The following ZNF592 variants were observed in gnomAD, a reference collection of about 807,000 sequenced individuals.
The protein encoded by ZNF592 is zinc finger protein 592.
Under a neutral mutation model 80.3 loss-of-function variants are expected in ZNF592, and 11 were observed. The observed-to-expected ratio is 0.14, with a 90% CI of 0.09 to 0.23. ZNF592 has a LOEUF of 0.23. Ranked by LOEUF, ZNF592 falls within the 10% of genes least tolerant of loss-of-function variation. The probability of loss-of-function intolerance (pLI) is 1.00; values close to 1 mark genes in which losing one functional copy is unlikely to be tolerated. For synonymous variants in ZNF592, 646 were observed against 640.3 expected, an observed-to-expected ratio of 1.01 and a Z score of -0.13; for missense variants, 1,420 against 1,633.9, an observed-to-expected ratio of 0.87 and a Z score of 2.26.
At chr15:84,794,588 C>T (rs866741769) in intron 5 of ZNF592, among the ~76,000 whole-genome samples, 2 of 152,082 alleles carry the variant, frequency 1.3e-5, no homozygotes, top group South Asian at 4.1e-4. Context: ...GCACTTCTCC[C>T]ACCTCAGCCT....
intron 1 of ZNF592, among the ~76,000 whole-genome samples, chr15:84,753,692 T>G (rs1899080490): frequency 6.6e-6 from 1 of 152,164 alleles, no homozygotes; most frequent in Non-Finnish European, 1.5e-5. Flanking sequence ...AGCCTGGTCT[T>G]GAACTCCTGA....
chr15:84,768,234 T>A, intron 2 of ZNF592, among the ~76,000 whole-genome samples: 1 of 131,354 alleles, frequency 7.6e-6, no homozygotes, highest in African/African-American at 2.7e-5. Context: ...TTCTTTCTTT[T>A]TTTTTTTTTT....
chr15:84,800,751 G>A (rs1033551307), intron 10 of ZNF592, among the ~76,000 whole-genome samples: 13 of 152,194 alleles, frequency 8.5e-5, no homozygotes, highest in Non-Finnish European at 1.5e-4. Context: ...CATACCCTTT[G>A]ATCCAGCAAT....
intron 2 of ZNF592, among the ~76,000 whole-genome samples, chr15:84,767,503 C>G (rs1179407688): frequency 1.3e-5 from 2 of 152,134 alleles, no homozygotes; most frequent in African/African-American, 4.8e-5. Context: ...TCCTGTCCCC[C>G]TTTTTCTCAA....
At chr15:84,760,810 T>G (rs528965589) in intron 1 of ZNF592, among the ~76,000 whole-genome samples, 1 of 152,288 alleles carries the variant, frequency 6.6e-6, no homozygotes, top group African/African-American at 2.4e-5. Context: ...CATCTCTTAC[T>G]GGTGCTGTTC....
intron 2 of ZNF592, among the ~76,000 whole-genome samples, chr15:84,766,706 A>AGAGTGTGT (rs1555429337): frequency 7.1e-6 from 1 of 140,140 alleles, no homozygotes; most frequent in African/African-American, 2.7e-5. Flanking sequence ...GATGAGAAAG[A>AGAGTGTGT]GTGTGTGTGT....
At chr15:84,755,439 TTTTTG>T (rs1899142931) in intron 1 of ZNF592, among the ~76,000 whole-genome samples, 1 of 152,002 alleles carries the variant, frequency 6.6e-6, no homozygotes, top group Non-Finnish European at 1.5e-5. Flanking sequence ...GCTTGAAACT[TTTTTG>T]AGTAGTCCAG....
Position 84,777,694 on chromosome 15 carries a change from C to CCTTTTTTTTTTTTTTTTTTTTTTTTTTT in ZNF592, c.-149-489_-149-488insCTTTTTTTTTTTTTTTTTTTTTTTTTTT, listed in dbSNP as rs1432630650. On this transcript the variant is annotated intron_variant, in intron 2 of 10. Coordinates refer to ENST00000560079, the MANE Select transcript of ZNF592 (RefSeq NM_014630.3). ...GAAAATAATTTCGTCTGTTGAGATACTTTTTTTTTTTTTTTTTTTTTTTGA... is the reference window on the plus strand; with the variant it reads ...GAAAATAATTTCGTCTGTTGAGATACCTTTTTTTTTTTTTTTTTTTTTTTTTTTTTTTTTTTTTTTTTTTTTTTTTTGA... Among the ~76,000 whole-genome samples, 2 of 98,414 alleles carry CCTTTTTTTTTTTTTTTTTTTTTTTTTTT rather than the reference C, an allele frequency of 2.0e-5. 1 individual carries two copies. Among genetic ancestry groups the CCTTTTTTTTTTTTTTTTTTTTTTTTTTT allele is most frequent in the African/African-American group, 7.6e-5 (2 of 26,418 alleles). 64.6% of individuals were successfully genotyped at this position (98,414 alleles called of 152,430 possible).
intron 1 of ZNF592, among the ~76,000 whole-genome samples, chr15:84,760,176 A>G (rs1462658290): frequency 6.6e-6 from 1 of 152,050 alleles, no homozygotes; most frequent in Non-Finnish European, 1.5e-5. Flanking sequence ...TGGTCTGAGC[A>G]CATCATTCTT....
Position 84,803,114 on chromosome 15 carries a change from G to T in ZNF592, c.*721G>T, listed in dbSNP as rs1462099389. On this transcript the variant is annotated 3_prime_UTR_variant, in exon 11 of 11. Coordinates refer to ENST00000560079, the MANE Select transcript of ZNF592 (RefSeq NM_014630.3). ...CAGACCCCTTGAGAAGGCGCTGTGGGTGGGTCTTTGTTCTGCTGTTCTGCC... is the reference window on the plus strand; with the variant it reads ...CAGACCCCTTGAGAAGGCGCTGTGGTTGGGTCTTTGTTCTGCTGTTCTGCC... 1.3e-5 allele frequency: 2 copies of T among 152,548 alleles called. No individual in the cohort carries two copies. Among genetic ancestry groups the T allele is most frequent in the Non-Finnish European group, 2.9e-5 (2 of 68,176 alleles). The allele number at this position is 152,548 out of a possible 1,614,324, so 9.4% of individuals were successfully genotyped here.
chr15:84,783,359 T>C lies in ZNF592; in HGVS notation c.684T>C (p.Pro228=). ...AAAGTGGGCAGAACACAGTGGAACC[T>C]CACAAGGATCCGGATGCCACTCGAT... ...HEQSGQNTVE[P]HKDPDATRFF... The change falls in exon 4 of 11, where the codon CCT becomes CCC. Residue 228 remains proline (P), a synonymous_variant. Coordinates refer to ENST00000560079, the MANE Select transcript of ZNF592 (RefSeq NM_014630.3). The surrounding 1 kb of genome is among the most constrained non-coding windows in gnomAD (Gnocchi z 5.0). 6.2e-7 allele frequency: 1 copy of C among 1,614,168 alleles called. No individual in the cohort carries two copies. The highest frequency in any genetic ancestry group is 8.5e-7 in the Non-Finnish European group (1 of 1,180,034).
intron 4 of ZNF592, among the ~76,000 whole-genome samples, chr15:84,785,733 T>C (rs1216444455): frequency 6.6e-6 from 1 of 151,814 alleles, no homozygotes; most frequent in East Asian, 1.9e-4. Context: ...GGAAGGAGAG[T>C]GGACAGACAT....
intron 2 of ZNF592, among the ~76,000 whole-genome samples, chr15:84,772,737 C>CT (rs377535731): frequency 1.2e-4 from 18 of 150,658 alleles, no homozygotes; most frequent in Non-Finnish European, 1.6e-4. Flanking sequence ...TTCAAGAAAA[C>CT]TTTTTTTTTT....
At chr15:84,796,467 GT>G (rs1962924783) in intron 5 of ZNF592, among the ~76,000 whole-genome samples, 2 of 151,464 alleles carry the variant, frequency 1.3e-5, no homozygotes, top group African/African-American at 4.9e-5. Context: ...GGGAAAAGAT[GT>G]TTTGTCATGT....
chr15:84,792,712 C>T (rs746205349), intron 5 of ZNF592, among the ~76,000 whole-genome samples: 15 of 152,264 alleles, frequency 9.9e-5, no homozygotes, highest in South Asian at 2.1e-4. Flanking sequence ...CTCAACTCCC[C>T]GAAGTGTTGG....
intron 1 of ZNF592, among the ~76,000 whole-genome samples, chr15:84,749,399 GT>G (rs1213929327): frequency 6.6e-6 from 1 of 152,182 alleles, no homozygotes; most frequent in Non-Finnish European, 1.5e-5. Context: ...AGGGGGAGGG[GT>G]CCGTATGACC....
chr15:84,778,160 TTTG>T lies in ZNF592; in HGVS notation c.-149-20_-149-18del, dbSNP rs1026972717. 6.5e-6 allele frequency: 1 copy of T among 153,668 alleles called. No individual in the cohort carries two copies. The highest frequency in any genetic ancestry group is 1.5e-5 in the Non-Finnish European group (1 of 68,960). The allele number at this position is 153,668 out of a possible 1,614,324, so 9.5% of individuals were successfully genotyped here. ...TTTACTTATTGCTTTGTAAGGGCTT[TTTG>T]TTTTTGTTTTTGTTTTAAGGAGCGG... On this transcript the variant is annotated intron_variant, in intron 2 of 10. Transcript: ENST00000560079.
At position 84,799,120 on chromosome 15, in the gene ZNF592, G is replaced by A. The variant is rs1430525600; in HGVS notation, c.3047G>A (p.Arg1016Gln). 3.1e-6 allele frequency: 5 copies of A among 1,614,040 alleles called. No individual in the cohort carries two copies. Among genetic ancestry groups the A allele is most frequent in the East Asian group, 2.2e-5 (1 of 44,880 alleles). ...TAGACATTGAAGCGGTACCCATGCC[G>A]GCAGTGTGAACAGTCCTTCCACACC... ...HGRTLKRYPC[R>Q]QCEQSFHTPN... is the part of the protein sequence containing the mutation. The change falls in exon 9 of 11, where the codon CGG becomes CAG. Residue 1016 changes from arginine (R) to glutamine (Q), a missense_variant. By Grantham distance (43) the Arg-to-Gln change is conservative (BLOSUM62 1). Around this residue, in one of 7 missense-constraint regions of ZNF592, gnomAD observed 331 missense variants for 347.0 expected, o/e 0.95. Transcript: ENST00000560079. The surrounding 1 kb of genome is among the most constrained non-coding windows in gnomAD (Gnocchi z 4.2).
chr15:84,768,616 T>TATGG, intron 2 of ZNF592, among the ~76,000 whole-genome samples: 1 of 152,162 alleles, frequency 6.6e-6, no homozygotes, highest in Non-Finnish European at 1.5e-5. Flanking sequence ...TAGCCTTTTC[T>TATGG]TTCCTCTGGT....
Sources: allele counts gnomAD v4.1 joint callset (sites outside exome capture counted in the v4.1 genomes callset), GRCh38; gene constraint gnomAD v4.1.1; regional missense constraint gnomAD v4.1.1; non-coding constraint Gnocchi (gnomAD v3.1); transcripts MANE v1.5; gene names NCBI Gene and HGNC (gene_info 2026-07-23, HGNC 2026-07-21).